The following WDPCP variants were observed in gnomAD, a reference collection of about 807,000 sequenced individuals.
The protein encoded by WDPCP is WD repeat containing planar cell polarity effector.
A neutral mutation model predicts 93.1 loss-of-function variants in WDPCP; 71 were observed. The observed-to-expected ratio is 0.76, with a 90% confidence interval of 0.63 to 0.93. The LOEUF is 0.93. Ranked by LOEUF, WDPCP falls within the 40% of genes least tolerant of loss-of-function variation. The probability of loss-of-function intolerance (pLI) is 0.00; values close to 1 mark genes in which losing one functional copy is unlikely to be tolerated. For missense variants in WDPCP, 844 were observed against 887.4 expected, an observed-to-expected ratio of 0.95 and a Z score of 0.62; for synonymous variants, 315 against 315.0, an observed-to-expected ratio of 1.00 and a Z score of 0.00.
At chr2:63,622,265 C>G (rs2106633959) in intron 3 of WDPCP, 1 of 1,610,362 alleles carries the variant, frequency 6.2e-7, no homozygotes, top group Non-Finnish European at 8.5e-7. Context: ...GTGCCGTCTC[C>G]TCTGCCTTCT....
intron 2 of WDPCP, among the ~76,000 whole-genome samples, chr2:63,676,481 T>C (rs1233931510): frequency 6.6e-6 from 1 of 152,012 alleles, no homozygotes; most frequent in African/African-American, 2.4e-5. Flanking sequence ...TGGATAAACA[T>C]GAGAATTACC....
At chr2:63,558,057 A>G (rs1706266619) in intron 1 of WDPCP, among the ~76,000 whole-genome samples, 2 of 152,188 alleles carry the variant, frequency 1.3e-5, no homozygotes, top group Non-Finnish European at 2.9e-5. Context: ...AAGATCTCAA[A>G]TCAACACCAT....
At chr2:63,174,971 G>C (rs372366757) in intron 14 of WDPCP, 139 bp from the exon 15 acceptor site, 14 of 866,134 alleles carry the variant, frequency 1.6e-5, no homozygotes, top group Admixed American at 4.1e-5. Flanking sequence ...TGTTGTCCTA[G>C]TTCCCTATGA....
intron 12 of WDPCP, among the ~76,000 whole-genome samples, chr2:63,338,566 AAAAATATATAT>A (rs1558490110): frequency 4.0e-4 from 4 of 9,922 alleles, no homozygotes; most frequent in African/African-American, 1.1e-3. Context: ...AAAAAAAAAA[AAAAATATATAT>A]ATATATATAT....
At chr2:63,691,120 G>A (rs1279954783) in intron 2 of WDPCP, among the ~76,000 whole-genome samples, 2 of 152,098 alleles carry the variant, frequency 1.3e-5, no homozygotes, top group South Asian at 2.1e-4. Context: ...AATCTCACGT[G>A]GGCACCCTTA....
intron 14 of WDPCP, among the ~76,000 whole-genome samples, chr2:63,185,867 G>A (rs1674594346): frequency 6.6e-6 from 1 of 152,172 alleles, no homozygotes; most frequent in South Asian, 2.1e-4. Context: ...GTGTGAAGCT[G>A]GGCAGAGCTG....
At chr2:63,772,458 C>G (rs1400050254) in intron 2 of WDPCP, among the ~76,000 whole-genome samples, 1 of 152,052 alleles carries the variant, frequency 6.6e-6, no homozygotes, top group Non-Finnish European at 1.5e-5. Context: ...GACCACATAA[C>G]CTGGTACCAA....
chr2:63,499,951 G>C (rs1701444030), intron 1 of WDPCP, among the ~76,000 whole-genome samples: 2 of 152,138 alleles, frequency 1.3e-5, no homozygotes, highest in African/African-American at 4.8e-5. Context: ...TTTTACTTCT[G>C]CCTTGCCCCT....
intron 1 of WDPCP, among the ~76,000 whole-genome samples, chr2:63,539,075 G>A (rs1006248172): frequency 6.6e-6 from 1 of 151,996 alleles, no homozygotes; most frequent in Non-Finnish European, 1.5e-5. Context: ...AAAGAATATT[G>A]TTTAAATGTT....
intron 2 of WDPCP, among the ~76,000 whole-genome samples, chr2:63,700,303 A>G (rs1046762677): frequency 1.6e-4 from 16 of 98,066 alleles, no homozygotes; most frequent in Middle Eastern, 6.3e-3. Context: ...AAAAAAAAAA[A>G]CAAAAAGAAA....
At position 63,282,801 on chromosome 2, in the gene WDPCP, C is replaced by T. The variant is rs927181331; in HGVS notation, c.1813-23392G>A. Among the ~76,000 whole-genome samples the T allele has an allele frequency of 4.6e-5, 7 of 152,114 alleles. No homozygotes were observed. In the East Asian group the frequency reaches 5.8e-4, roughly 13 times the overall value. ...GGGATTTGTCTCATGACTTCCCCCA[C>T]CCCCAAGAATACCAAAATCTACTGA... is the stretch of plus-strand genomic sequence containing the variant. On this transcript the variant is annotated intron_variant, in intron 13 of 17. Coordinates refer to ENST00000272321, the MANE Select transcript of WDPCP (RefSeq NM_015910.7).
intron 6 of WDPCP, among the ~76,000 whole-genome samples, chr2:63,464,878 T>A (rs1401915916): frequency 6.6e-6 from 1 of 151,886 alleles, no homozygotes; most frequent in Non-Finnish European, 1.5e-5. Flanking sequence ...TACCAGGGGT[T>A]GAGGGGAGGG....
At chr2:63,458,102 G>A (rs750623952) in intron 6 of WDPCP, among the ~76,000 whole-genome samples, 11 of 142,544 alleles carry the variant, frequency 7.7e-5, no homozygotes, top group African/African-American at 1.8e-4. Context: ...CCAGCCTGGC[G>A]ACAGTGTGAG....
At chr2:63,277,726 C>T (rs575025159) in intron 13 of WDPCP, among the ~76,000 whole-genome samples, 4 of 152,114 alleles carry the variant, frequency 2.6e-5, no homozygotes, top group Admixed American at 2.6e-4. Flanking sequence ...TATATAAGCA[C>T]CTAACACTGG....
intron 2 of WDPCP, among the ~76,000 whole-genome samples, chr2:63,747,276 T>C (rs1036850087): frequency 2.0e-5 from 3 of 152,180 alleles, no homozygotes; most frequent in Admixed American, 1.3e-4. Context: ...CTGAAACATA[T>C]CTAAAATTCT....
intron 11 of WDPCP, 92 bp from the exon 12 acceptor site, chr2:63,378,601 G>T: frequency 6.5e-7 from 1 of 1,548,280 alleles, no homozygotes; most frequent in Non-Finnish European, 8.9e-7. Context: ...AGGTTTTGCA[G>T]ACTTGGATGA....
chr2:63,702,119 A>G (rs539832800), intron 2 of WDPCP, among the ~76,000 whole-genome samples: 1 of 152,152 alleles, frequency 6.6e-6, no homozygotes, highest in South Asian at 2.1e-4. Flanking sequence ...TCCGCCTCCT[A>G]GGTTCAAGCG....
At chr2:63,131,676 A>T (rs1670301467) in intron 17 of WDPCP, among the ~76,000 whole-genome samples, 3 of 151,980 alleles carry the variant, frequency 2.0e-5, no homozygotes, top group African/African-American at 7.3e-5. Flanking sequence ...CTTTCATGTG[A>T]CTTTGTATAG....
At chr2:63,574,274 A>G (rs1419894669) in intron 1 of WDPCP, among the ~76,000 whole-genome samples, 5 of 152,128 alleles carry the variant, frequency 3.3e-5, no homozygotes, top group African/African-American at 1.2e-4. Flanking sequence ...TCCCCCGGAC[A>G]CCCAGCTTTA....
Sources: gnomAD v4.1 joint callset for allele counts (sites outside exome capture counted in the v4.1 genomes callset) on GRCh38, gnomAD v4.1.1 for gene constraint, MANE v1.5 for transcripts, NCBI Gene and HGNC (gene_info 2026-07-23, HGNC 2026-07-21) for gene names.